IL1R1: variants seen among roughly 807,000 people sequenced by gnomAD.
IL1R1 encodes interleukin 1 receptor type 1.
A neutral mutation model predicts 50.2 loss-of-function variants in IL1R1; 22 were observed. The ratio of observed to expected loss-of-function variants is 0.44; its 90% CI spans 0.31 to 0.63. IL1R1 has a LOEUF of 0.63. Ranked by LOEUF, IL1R1 falls within the 20% of genes least tolerant of loss-of-function variation. The probability of loss-of-function intolerance (pLI) is 0.07; values close to 1 mark genes in which losing one functional copy is unlikely to be tolerated. For synonymous variants in IL1R1, 251 were observed against 236.7 expected, an observed-to-expected ratio of 1.06 and a Z score of -0.55; for missense variants, 509 against 676.2, an observed-to-expected ratio of 0.75 and a Z score of 2.74.
intron 8 of IL1R1, chr2:102,172,356 A>C: frequency 1.0e-6 from 1 of 985,320 alleles, no homozygotes; most frequent in Non-Finnish European, 1.2e-6. Context: ...CAACACCTGC[A>C]AAGCACTTTG....
At chr2:102,084,583 A>G (rs1262602023) in intron 1 of IL1R1, among the ~76,000 whole-genome samples, 1 of 152,218 alleles carries the variant, frequency 6.6e-6, no homozygotes, top group Non-Finnish European at 1.5e-5. Flanking sequence ...AACTAAATTA[A>G]TTTTCACAAA....
chr2:102,108,256 A>G (rs1331325153), intron 1 of IL1R1, among the ~76,000 whole-genome samples: 3 of 151,558 alleles, frequency 2.0e-5, no homozygotes, highest in African/African-American at 7.3e-5. Flanking sequence ...GGGGGTGTGT[A>G]TAACATATTT....
At chr2:102,103,037 A>G (rs1175443633), upstream of IL1R1, among the ~76,000 whole-genome samples, 1 of 152,158 alleles carries the variant, frequency 6.6e-6, no homozygotes, top group Admixed American at 6.5e-5. Flanking sequence ...GAAACTACCT[A>G]TAGGGTACCA....
chr2:102,118,573 C>G (rs1474469430), intron 1 of IL1R1, among the ~76,000 whole-genome samples: 11 of 151,984 alleles, frequency 7.2e-5, no homozygotes, highest in Non-Finnish European at 1.5e-5. Context: ...GGGACTGAAC[C>G]CTTAACCTGA....
upstream of IL1R1, among the ~76,000 whole-genome samples, chr2:102,100,750 CT>C (rs1680106091): frequency 6.6e-6 from 1 of 152,148 alleles, no homozygotes; most frequent in Non-Finnish European, 1.5e-5. Flanking sequence ...TGCAAAATCC[CT>C]TAAACTCAGT....
rs563546992 is a variant in IL1R1, at chr2:102,146,258, A to G, written c.-84+3238A>G. On this transcript the variant is annotated intron_variant, in intron 1 of 11. Coordinates refer to ENST00000410023, the MANE Select transcript of IL1R1 (RefSeq NM_000877.4). ...GAAAAGTTAGATGGTGTCACTTTCC[A>G]TCAGTGGGTCTCACCTCATTAAAAC... Among the ~76,000 whole-genome samples, 8 of 152,332 alleles carry G rather than the reference A, an allele frequency of 5.3e-5. 2 individuals carry two copies. Among genetic ancestry groups the G allele is most frequent in the African/African-American group, 1.7e-4 (7 of 41,568 alleles).
At chr2:102,120,944 TATG>T (rs1476563540) in intron 1 of IL1R1, among the ~76,000 whole-genome samples, 1 of 152,174 alleles carries the variant, frequency 6.6e-6, no homozygotes, top group African/African-American at 2.4e-5. Flanking sequence ...ACATAGGTAT[TATG>T]ATGTCTGTCA....
At chr2:102,120,297 T>C (rs1681335178) in intron 1 of IL1R1, among the ~76,000 whole-genome samples, 1 of 152,082 alleles carries the variant, frequency 6.6e-6, no homozygotes, top group Admixed American at 6.6e-5. Flanking sequence ...ATGTTGTATA[T>C]GGGTGTTATA....
chr2:102,127,011 G>A (rs1210454458), intron 1 of IL1R1, among the ~76,000 whole-genome samples: 1 of 152,200 alleles, frequency 6.6e-6, no homozygotes, highest in Admixed American at 6.5e-5. Flanking sequence ...CTAAGCTCCT[G>A]TGCAAACCCC....
intron 1 of IL1R1, among the ~76,000 whole-genome samples, chr2:102,095,126 T>A (rs1679843443): frequency 6.6e-6 from 1 of 152,194 alleles, no homozygotes; most frequent in African/African-American, 2.4e-5. Context: ...CCCAACACGG[T>A]GTCCTTTCTC....
intron 1 of IL1R1, among the ~76,000 whole-genome samples, chr2:102,110,888 A>G (rs1680720187): frequency 6.6e-6 from 1 of 152,110 alleles, no homozygotes; most frequent in Admixed American, 6.5e-5. Flanking sequence ...CAGAGACAGA[A>G]GGCTGCAGAG....
chr2:102,079,890 T>C (rs1679133167), intron 1 of IL1R1, among the ~76,000 whole-genome samples: 1 of 152,104 alleles, frequency 6.6e-6, no homozygotes, highest in Non-Finnish European at 1.5e-5. Flanking sequence ...AGTATAAATA[T>C]AAAAATCAAT....
In IL1R1 at chr2:102,097,409, A is replaced by G. The variant is rs954922232; in HGVS notation, c.-84+26876A>G. 7.9e-5 allele frequency among the ~76,000 whole-genome samples: 12 copies of G among 152,124 alleles called. No individual in the cohort carries two copies. In the East Asian group the frequency reaches 1.9e-3, roughly 24 times the overall value. On this transcript the variant is annotated intron_variant, in intron 1 of 11. Coordinates refer to the IL1R1 transcript ENST00000409929. The stretch of plus-strand genomic sequence containing the variant: ...GTGTGGACCTCTTTCTGTTTCCTCT[A>G]TTCTGTTCCTGGTCTATTTGTATAT...
At chr2:102,148,753 G>A (rs1255655343) in intron 1 of IL1R1, among the ~76,000 whole-genome samples, 3 of 152,184 alleles carry the variant, frequency 2.0e-5, no homozygotes, top group African/African-American at 7.2e-5. Context: ...CCATAAGTGT[G>A]TGGTTCTATG....
At chr2:102,081,225 C>T (rs997152409) in intron 1 of IL1R1, among the ~76,000 whole-genome samples, 1 of 152,104 alleles carries the variant, frequency 6.6e-6, no homozygotes, top group African/African-American at 2.4e-5. Flanking sequence ...AATGACATCT[C>T]AATAAAATTC....
intron 1 of IL1R1, among the ~76,000 whole-genome samples, chr2:102,088,255 A>C (rs1328040034): frequency 1.3e-5 from 2 of 152,218 alleles, no homozygotes; most frequent in Non-Finnish European, 2.9e-5. Context: ...TAGCCTTACA[A>C]AATGTATTTC....
intron 1 of IL1R1, among the ~76,000 whole-genome samples, chr2:102,099,241 A>G (rs897324100): frequency 6.6e-6 from 1 of 152,204 alleles, no homozygotes; most frequent in African/African-American, 2.4e-5. Flanking sequence ...TGCCCTGTTT[A>G]TAACATTGAT....
chr2:102,129,249 A>C (rs1283942642), intron 1 of IL1R1, among the ~76,000 whole-genome samples: 1 of 110,600 alleles, frequency 9.0e-6, no homozygotes, highest in East Asian at 2.7e-4. Context: ...ATGAAACCCC[A>C]AAAACCTACA....
intron 1 of IL1R1, among the ~76,000 whole-genome samples, chr2:102,149,089 A>T (rs1310464755): frequency 6.6e-6 from 1 of 152,216 alleles, no homozygotes; most frequent in Non-Finnish European, 1.5e-5. Context: ...GTGACATTTC[A>T]TGAGCTAAAG....
Sources: allele counts gnomAD v4.1 joint callset (sites outside exome capture counted in the v4.1 genomes callset), GRCh38; gene constraint gnomAD v4.1.1; transcripts MANE v1.5; gene names NCBI Gene and HGNC (gene_info 2026-07-23, HGNC 2026-07-21).